Variants in ZAN observed in about 807,000 individuals in gnomAD.
ZAN encodes zonadhesin (gene/pseudogene).
Under a neutral mutation model 286.2 loss-of-function variants are expected in ZAN, and 260 were observed. That is an observed-to-expected ratio of 0.91 (90% CI 0.82 to 1.01). The LOEUF (loss-of-function observed/expected upper bound fraction) is 1.01, where lower values mean the gene tolerates loss of function less well. ZAN is among the 50% of genes least tolerant of loss of function. ZAN has a pLI of 0.00. For missense variants in ZAN, 3,410 were observed against 3,639.2 expected (o/e 0.94, Z 1.62); for synonymous variants, 1,368 against 1,417.5 (o/e 0.97, Z 0.79).
At position 100,783,791 on chromosome 7, in the gene ZAN, T is replaced by TATATACACAC. The variant is rs1381619293; in HGVS notation, c.6623-827_6623-826insCACACATATA. Among the ~76,000 whole-genome samples, 107 of 14,878 alleles carry TATATACACAC rather than the reference T, an allele frequency of 7.2e-3. 9 individuals are homozygous for TATATACACAC. Among genetic ancestry groups the TATATACACAC allele is most frequent in the East Asian group, 0.026 (8 of 310 alleles). 9.8% of individuals were successfully genotyped at this position (14,878 alleles called of 152,430 possible). ...ATATATATATATATATATACACATA[T>TATATACACAC]ATATATATACACACATATATATATA... On this transcript the variant is annotated intron_variant, in intron 35 of 47. Transcript: ENST00000613979.
chr7:100,772,154 C>A (rs141555597), intron 29 of ZAN, 134 bp downstream of exon 29: 2 of 1,151,748 alleles, frequency 1.7e-6, no homozygotes, highest in African/African-American at 1.6e-5. Flanking sequence ...AGTGCAGTGG[C>A]GCAATCTCGG....
chr7:100,740,293 A>AT lies in ZAN; in HGVS notation c.766+1693dup, dbSNP rs375213178. On this transcript the variant is annotated intron_variant, in intron 7 of 47. Coordinates refer to ENST00000613979, the MANE Select transcript of ZAN (RefSeq NM_003386.3). The stretch of plus-strand genomic sequence containing the variant: ...AGCAGTGACTTGATCTGACTTATTT[A>AT]TTTTTTTTTTTTTAATTTATTTTTT... Among the ~76,000 whole-genome samples, 176 of 119,428 alleles carry AT rather than the reference A, an allele frequency of 1.5e-3. 25 individuals carry two copies. Among genetic ancestry groups the AT allele is most frequent in the African/African-American group, 3.8e-3 (110 of 28,890 alleles). 78.3% of individuals were successfully genotyped at this position (119,428 alleles called of 152,430 possible).
chr7:100,768,722 G>C lies in ZAN; in HGVS notation c.5153+1G>C, dbSNP rs1810184497. ...AGTTACCTGAATCCTCTGAACCTGG[G>C]TGAGCTGGGGGTCAGGGGAGCCAGG... On this transcript the variant is annotated splice_donor_variant, in intron 27 of 47. Transcript: ENST00000613979. LOFTEE classifies it high-confidence loss of function. 6.3e-7 allele frequency: 1 copy of C among 1,591,018 alleles called. No individual in the cohort carries two copies. Among genetic ancestry groups the C allele is most frequent in the Non-Finnish European group, 8.6e-7 (1 of 1,168,612 alleles).
chr7:100,794,771 A>G (rs1812238825), intron 44 of ZAN, among the ~76,000 whole-genome samples: 1 of 151,298 alleles, frequency 6.6e-6, no homozygotes, highest in Admixed American at 6.6e-5. Flanking sequence ...CAAGAAATTG[A>G]GGCTACAGTG....
intron 15 of ZAN, among the ~76,000 whole-genome samples, chr7:100,756,440 A>G (rs1046955769): frequency 6.6e-6 from 1 of 151,936 alleles, no homozygotes; most frequent in African/African-American, 2.4e-5. Context: ...AAAAAAAAAA[A>G]AGAAAAGTGC....
intron 29 of ZAN, among the ~76,000 whole-genome samples, 193 bp from the exon 30 acceptor site, chr7:100,773,092 C>T (rs1810497154): frequency 6.6e-6 from 1 of 151,868 alleles, no homozygotes; most frequent in South Asian, 2.1e-4. Context: ...TTAGTAGAGT[C>T]GGTTTTTCAC....
In ZAN at chr7:100,767,976, C is replaced by T. The variant is rs1363960523; in HGVS notation, c.5006C>T (p.Pro1669Leu). 6.2e-7 allele frequency: 1 copy of T among 1,613,774 alleles called. No homozygotes were observed. Among genetic ancestry groups the T allele is most frequent in the South Asian group, 1.1e-5 (1 of 91,040 alleles). Reference protein sequence around the residue: ...DGSHLVEVTVPSSYGGQLCGL... With the variant: ...DGSHLVEVTVLSSYGGQLCGL... ...AGCCACTTGGTGGAAGTGACAGTCCCCTCCTCCTATGGCGGCCAGCTCTGT... is the reference window on the plus strand; with the variant it reads ...AGCCACTTGGTGGAAGTGACAGTCCTCTCCTCCTATGGCGGCCAGCTCTGT... Residue 1669 changes from proline to leucine, a missense_variant, in exon 26 of 48, where the codon CCC (proline) becomes CTC (leucine). Pro to Leu is a moderately conservative substitution (Grantham distance 98). This residue lies in a region of ZAN where 1,042 missense variants were observed against 1,058.0 expected (regional missense o/e 0.98). Coordinates refer to ENST00000613979, the MANE Select transcript of ZAN (RefSeq NM_003386.3).
chr7:100,773,890 G>T (rs551449483), intron 31 of ZAN, 25 bp downstream of exon 31: 37 of 1,585,732 alleles, frequency 2.3e-5, no homozygotes, highest in Middle Eastern at 1.7e-4. Context: ...GTGATGGGGG[G>T]ACTCCACAGC....
rs1271449042 is a variant in ZAN at position 100,752,644 on chromosome 7, A to C, written c.2539A>C (p.Met847Leu). 6.8e-6 allele frequency: 11 copies of C among 1,607,678 alleles called. No homozygotes were observed. The highest frequency in any genetic ancestry group is 9.3e-6 in the Non-Finnish European group (11 of 1,178,456). ...CTCTACAGAAAAACTCACCATCCCC[A>C]TGGAAAAACCCACCATCTCCACAGA... ...TISTEKLTIP[M>L]EKPTISTEKP... Residue 847 changes from methionine to leucine, a missense_variant, in exon 14 of 48, where the codon ATG becomes CTG. This residue lies in a region of ZAN where 90 missense variants were observed against 87.1 expected (regional missense o/e 1.03). Coordinates refer to ENST00000613979, the MANE Select transcript of ZAN (RefSeq NM_003386.3).
rs1435147629 is a variant in ZAN at position 100,737,230 on chromosome 7, C to T, written c.526-32C>T. ...AGCCAGGAGGCCTGGCTGAGGGGCTCATGGGGTTGGGGTCCCCTTATCCTC... is the reference window on the plus strand; with the variant it reads ...AGCCAGGAGGCCTGGCTGAGGGGCTTATGGGGTTGGGGTCCCCTTATCCTC... On this transcript the variant is annotated intron_variant, in intron 5 of 47. Coordinates refer to ENST00000613979, the MANE Select transcript of ZAN (RefSeq NM_003386.3). The T allele has an allele frequency of 1.1e-5, 16 of 1,439,000 alleles. 4 individuals are homozygous for T. Among genetic ancestry groups the T allele is most frequent in the Non-Finnish European group, 1.3e-5 (14 of 1,053,760 alleles). The allele number at this position is 1,439,000 out of a possible 1,614,324, so 89.1% of individuals were successfully genotyped here. A position where few individuals can be genotyped will look rare whatever the true frequency, so the allele number is the denominator to read the frequency against.
rs531675525 is a variant in ZAN, at chr7:100,753,285, G to A, written c.3124+56G>A. 28 of 1,502,034 alleles carry A rather than the reference G, an allele frequency of 1.9e-5. 2 individuals carry two copies. The Admixed American group carries it at 4.8e-4, about 26-fold the overall frequency. 93.0% of individuals were successfully genotyped at this position (1,502,034 alleles called of 1,614,324 possible). On this transcript the variant is annotated intron_variant, in intron 14 of 47. Coordinates refer to ENST00000613979, the MANE Select transcript of ZAN (RefSeq NM_003386.3). ...TGAAAGTCAGAGACAATGACTAGGA[G>A]ACAGTCAGGGAAAGGGATGCTTCTG...
rs764683413 is a variant in ZAN at position 100,773,792 on chromosome 7, C to T, written c.5706C>T (p.Thr1902=). 6.2e-7 allele frequency: 1 copy of T among 1,612,674 alleles called. No homozygotes were observed. Among genetic ancestry groups the T allele is most frequent in the Non-Finnish European group, 8.5e-7 (1 of 1,179,310 alleles). Residue 1902 remains threonine (T), a synonymous_variant, in exon 31 of 48, where the codon ACC becomes ACT. Transcript: ENST00000613979. The part of the protein sequence containing the change: ...LCTCSVHNNI[T]CFQSTCKPNQ... The stretch of plus-strand genomic sequence containing the variant: ...CCTGCTCCGTCCACAACAACATCAC[C>T]TGCTTCCAGAGCACCTGCAAACCCA...
rs1351662678 is a variant in ZAN, at chr7:100,773,297, C to T, written c.5438C>T (p.Pro1813Leu). The T allele has an allele frequency of 7.4e-6, 12 of 1,613,398 alleles. No homozygotes were observed. The highest frequency in any genetic ancestry group is 8.5e-6 in the Non-Finnish European group (10 of 1,179,898). Residue 1813 changes from proline (P) to leucine (L), a missense_variant, in exon 30 of 48, where the codon CCA (proline) becomes CTA (leucine). Physicochemically the swap from Pro to Leu is moderately conservative, Grantham distance 98. Coordinates refer to ENST00000613979, the MANE Select transcript of ZAN (RefSeq NM_003386.3). ...TCATTTTCTTTAGCTATGAGGTGCC[C>T]ACCTGGCAGCAGCTACAGCCCCTGC... Reference protein sequence around the residue: ...RNRTFCPMRCPPGSSYSPCSS... With the variant: ...RNRTFCPMRCLPGSSYSPCSS...
At chr7:100,790,879 T>TAAAAA (rs5886138) in intron 39 of ZAN, 63 bp from the exon 40 acceptor site, 33 of 1,211,010 alleles carry the variant, frequency 2.7e-5, no homozygotes, top group Middle Eastern at 2.4e-4. Context: ...CAAGACTGTC[T>TAAAAA]AAAAAAAAAA....
chr7:100,784,811 G>T lies in ZAN; in HGVS notation c.6811G>T (p.Asp2271Tyr). 6.2e-7 allele frequency: 1 copy of T among 1,605,038 alleles called. No homozygotes were observed. Among genetic ancestry groups the T allele is most frequent in the Admixed American group, 1.7e-5 (1 of 59,514 alleles). Residue 2271 changes from aspartate to tyrosine, a missense_variant, in exon 36 of 48, where the codon GAT (aspartate) becomes TAT (tyrosine). Around this residue, in one of 7 missense-constraint regions of ZAN, gnomAD observed 1,289 missense variants for 1,314.3 expected, o/e 0.98. Coordinates refer to ENST00000613979, the MANE Select transcript of ZAN (RefSeq NM_003386.3). ...CVPRSQCGCKDAHGGSIPLGK... is the reference protein window; with the variant it reads ...CVPRSQCGCKYAHGGSIPLGK... ...CCCCAGAAGTCAGTGTGGCTGCAAGGATGCCCATGGTGGCTCCATCCCTGT... is the reference window on the plus strand; with the variant it reads ...CCCCAGAAGTCAGTGTGGCTGCAAGTATGCCCATGGTGGCTCCATCCCTGT...
Position 100,753,110 on chromosome 7 carries a change from C to A in ZAN, c.3005C>A (p.Pro1002Gln). The A allele has an allele frequency of 6.2e-7, 1 of 1,613,930 alleles. No individual in the cohort carries two copies. Among genetic ancestry groups the A allele is most frequent in the Non-Finnish European group, 8.5e-7 (1 of 1,179,838 alleles). ...IPTEKLTALR[P>Q]PHPSPTATGL... ...ACAGAGAAGCTCACAGCCCTGAGGC[C>A]ACCCCATCCCAGCCCCACAGCCACT... The change falls in exon 14 of 48, where the codon CCA (proline) becomes CAA (glutamine). Residue 1002 changes from proline to glutamine, a missense_variant. By Grantham distance (76) the Pro-to-Gln change is moderately conservative. Transcript: ENST00000613979.
chr7:100,772,039 G>A lies in ZAN; in HGVS notation c.5425+19G>A, dbSNP rs767167847. ...TTCTGCCGTGAGTGACTGGCCACCT[G>A]TTCCCACAGCCCATAGGCACCCTCC... On this transcript the variant is annotated intron_variant, in intron 29 of 47. Coordinates refer to ENST00000613979, the MANE Select transcript of ZAN (RefSeq NM_003386.3). 1.9e-6 allele frequency: 3 copies of A among 1,574,944 alleles called. No homozygotes were observed. In the South Asian group the frequency reaches 3.3e-5, roughly 18 times the overall value.
chr7:100,783,276 T>A (rs935993942), intron 35 of ZAN, among the ~76,000 whole-genome samples: 14 of 151,842 alleles, frequency 9.2e-5, no homozygotes, highest in South Asian at 2.1e-4. Context: ...CTCAAAAAAA[T>A]AAATAAATGA....
chr7:100,765,815 A>C (rs1809928558), intron 23 of ZAN, among the ~76,000 whole-genome samples: 1 of 151,404 alleles, frequency 6.6e-6, no homozygotes. Context: ...TGCCCAGCTA[A>C]TTCTTGTATT....
Sources: gnomAD v4.1 joint callset for allele counts (sites outside exome capture counted in the v4.1 genomes callset) on GRCh38, gnomAD v4.1.1 for gene constraint, gnomAD v4.1.1 regional missense constraint, MANE v1.5 for transcripts, NCBI Gene and HGNC (gene_info 2026-07-23, HGNC 2026-07-21) for gene names.